MYO7A: variants seen among roughly 807,000 people sequenced by gnomAD.
The protein encoded by MYO7A is myosin VIIA.
MYO7A carries 210 observed loss-of-function variants against 263.8 expected under a neutral mutation model. That is an observed-to-expected ratio of 0.80 (90% CI 0.71 to 0.89). MYO7A has a LOEUF of 0.89. Ranked by LOEUF, MYO7A falls within the 40% of genes least tolerant of loss-of-function variation. The pLI is 0.00. For missense variants in MYO7A, 2,820 were observed against 2,968.3 expected (o/e 0.95, Z 1.16); for synonymous variants, 1,239 against 1,197.3 (o/e 1.03, Z -0.72).
rs782410220 is a variant in MYO7A, at chr11:77,156,854, C to T, written c.593-8C>T. On this transcript the variant is annotated splice_polypyrimidine_tract_variant and splice_region_variant and intron_variant, in intron 6 of 48. Coordinates refer to ENST00000409709, the MANE Select transcript of MYO7A (RefSeq NM_000260.4). ...GGCTTTGCCAGTGACACCCTACTCA[C>T]TCCGCAGCATTTGGGAATGCCAAGA... The T allele has an allele frequency of 1.2e-6, 2 of 1,613,962 alleles. No individual in the cohort carries two copies. The highest frequency in any genetic ancestry group is 4.5e-5 in the East Asian group (2 of 44,886).
In MYO7A at chr11:77,130,587, A is replaced by G. The variant is rs370329263; in HGVS notation, c.-46-2A>G. 1.3e-5 allele frequency: 21 copies of G among 1,609,122 alleles called. No individual in the cohort carries two copies. The highest frequency in any genetic ancestry group is 1.8e-5 in the Non-Finnish European group (21 of 1,177,616). ...AGCATGACATGGTCTCTCTCCCTGC[A>G]GAACTGTGCCTGGCCCAGTGGGCAG... On this transcript the variant is annotated splice_acceptor_variant, in intron 1 of 48. Transcript: ENST00000409709. LOFTEE classifies it low-confidence loss of function (5UTR_SPLICE).
intron 3 of MYO7A, among the ~76,000 whole-genome samples, chr11:77,143,768 C>T (rs550156944): frequency 5.1e-4 from 78 of 152,262 alleles, no homozygotes; most frequent in African/African-American, 1.8e-3. Flanking sequence ...TCCCTCTTAG[C>T]CTCCTGGTCT....
At chr11:77,184,419 G>A (rs1030286644) in intron 26 of MYO7A, among the ~76,000 whole-genome samples, 169 bp from the exon 27 acceptor site, 3 of 152,218 alleles carry the variant, frequency 2.0e-5, no homozygotes, top group Admixed American at 6.5e-5. Context: ...TATTGGCCCA[G>A]CATCTGCTGT....
chr11:77,207,001 C>A, intron 41 of MYO7A: 1 of 296,156 alleles, frequency 3.4e-6, no homozygotes, highest in Non-Finnish European at 6.2e-6. Context: ...TCCAGTCATC[C>A]TGCTGTGCTC....
chr11:77,145,101 A>G (rs1951474464), intron 3 of MYO7A, among the ~76,000 whole-genome samples: 1 of 152,194 alleles, frequency 6.6e-6, no homozygotes, highest in African/African-American at 2.4e-5. Flanking sequence ...CGGTGCAGCT[A>G]CTGGGCAAGT....
At chr11:77,167,380 T>A (rs1221177822) in intron 15 of MYO7A, among the ~76,000 whole-genome samples, 2 of 152,084 alleles carry the variant, frequency 1.3e-5, no homozygotes, top group Admixed American at 6.5e-5. Context: ...GATCCTCAGA[T>A]AACCTTGCAA....
At chr11:77,180,281 C>T in intron 21 of MYO7A, 93 bp from the exon 22 acceptor site, 1 of 699,488 alleles carries the variant, frequency 1.4e-6, no homozygotes, top group Non-Finnish European at 2.2e-6. Context: ...TGCCCAGTTC[C>T]AGAACTCAGA....
At chr11:77,137,133 C>T (rs782545432) in intron 2 of MYO7A, among the ~76,000 whole-genome samples, 16 of 152,152 alleles carry the variant, frequency 1.1e-4, no homozygotes, top group African/African-American at 2.4e-4. Context: ...TGCCTGTTTT[C>T]GGCTTGACTG....
At position 77,213,909 on chromosome 11, in the gene MYO7A, G is replaced by T; in HGVS notation, c.6488G>T (p.Gly2163Val). Residue 2163 changes from glycine (G) to valine (V), a missense_variant, in exon 48 of 49, where the codon GGC (glycine) becomes GTC (valine). Transcript: ENST00000409709. ...ACCAAGATCTCCAACTGGAGCAGCG[G>T]CAACACCTACTTCCACATCACCATT... ...PFTKISNWSS[G>V]NTYFHITIGN... The T allele has an allele frequency of 6.2e-7, 1 of 1,614,042 alleles. No homozygotes were observed. Among genetic ancestry groups the T allele is most frequent in the Non-Finnish European group, 8.5e-7 (1 of 1,179,904 alleles).
rs150414892 is a variant in MYO7A at position 77,201,520 on chromosome 11, A to G, written c.4925A>G (p.Gln1642Arg). 1 of 1,613,950 alleles carries G rather than the reference A, an allele frequency of 6.2e-7. No homozygotes were observed. Among genetic ancestry groups the G allele is most frequent in the African/African-American group, 1.3e-5 (1 of 75,032 alleles). The change falls in exon 36 of 49, where the codon CAG (glutamine) becomes CGG (arginine). Residue 1642 changes from glutamine (Q) to arginine (R), a missense_variant. Physicochemically the swap from Gln to Arg is conservative, Grantham distance 43 (BLOSUM62 1). Transcript: ENST00000409709. The stretch of plus-strand genomic sequence containing the variant: ...ATCCTGGACCATGACACGGGCGAGC[A>G]GGTCATGAACTCGGGCTGGGCCAAC... ...LIILDHDTGE[Q>R]VMNSGWANGI...
intron 37 of MYO7A, among the ~76,000 whole-genome samples, chr11:77,202,746 G>A (rs560622386): frequency 7.8e-4 from 118 of 151,894 alleles, no homozygotes; most frequent in African/African-American, 2.7e-3. Flanking sequence ...TGGGGCGGGG[G>A]GTGGGGGGCA....
In MYO7A at chr11:77,173,952, C is replaced by T. The variant is rs560530538; in HGVS notation, c.1936-804C>T. 7.0e-4 allele frequency among the ~76,000 whole-genome samples: 106 copies of T among 152,094 alleles called. 1 individual carries two copies. The highest frequency in any genetic ancestry group is 2.5e-3 in the South Asian group (12 of 4,820). The stretch of plus-strand genomic sequence containing the variant: ...TCTGAAGTGGGACCCTTCCCTCGGC[C>T]CAGTCCTCAGCATCTGTGGACTGGG... On this transcript the variant is annotated intron_variant, in intron 16 of 48. Coordinates refer to ENST00000409709, the MANE Select transcript of MYO7A (RefSeq NM_000260.4).
In MYO7A at chr11:77,204,138, G is replaced by A. The variant is rs376674270; in HGVS notation, c.5389G>A (p.Asp1797Asn). 2.7e-5 allele frequency: 43 copies of A among 1,598,758 alleles called. No homozygotes were observed. The highest frequency in any genetic ancestry group is 4.0e-5 in the African/African-American group (3 of 74,482). ...GACACGCTCCGTCAACGAGCTCACC[G>A]ACCAGATCTTTGAGGGTCCCCTGAA... ...KRTRSVNELT[D>N]QIFEGPLKAE... The change falls in exon 39 of 49, where the codon GAC becomes AAC. Residue 1797 changes from aspartate to asparagine, a missense_variant. By Grantham distance (23) the Asp-to-Asn change is conservative. Transcript: ENST00000409709.
rs555579952 is a variant in MYO7A, at chr11:77,175,382, G to A, written c.2105G>A (p.Arg702His). Residue 702 changes from arginine (R) to histidine (H), a missense_variant, in exon 18 of 49, where the codon CGC (arginine) becomes CAC (histidine). Arg to His is a conservative substitution (Grantham distance 29). Coordinates refer to ENST00000409709, the MANE Select transcript of MYO7A (RefSeq NM_000260.4). ...VKPAYKQGDL[R>H]GTCQRMAEAV... ...CCATCCTCACTCCAGGGCGACCTCC[G>A]CGGGACTTGCCAGCGCATGGCTGAG... 69 of 1,613,186 alleles carry A rather than the reference G, an allele frequency of 4.3e-5. No individual in the cohort carries two copies. Among genetic ancestry groups the A allele is most frequent in the South Asian group, 8.8e-5 (8 of 91,070 alleles).
chr11:77,129,766 A>G (rs373207568), intron 1 of MYO7A, among the ~76,000 whole-genome samples: 7 of 152,240 alleles, frequency 4.6e-5, no homozygotes, highest in African/African-American at 1.7e-4. Flanking sequence ...GAACTGAGCC[A>G]TGAACCATAA....
intron 35 of MYO7A, among the ~76,000 whole-genome samples, chr11:77,201,235 G>T (rs1410837628): frequency 6.6e-6 from 1 of 152,210 alleles, no homozygotes; most frequent in Non-Finnish European, 1.5e-5. Context: ...GGAGTGTGGG[G>T]CTTCCTCCCA....
At chr11:77,175,532 G>A in intron 18 of MYO7A, 68 bp downstream of exon 18, 3 of 1,425,014 alleles carry the variant, frequency 2.1e-6, no homozygotes, top group Non-Finnish European at 3.0e-6. Context: ...GGGCTGGGGT[G>A]CTCGGGAGAG....
chr11:77,131,733 A>C (rs1272599030), intron 2 of MYO7A, among the ~76,000 whole-genome samples: 5 of 152,128 alleles, frequency 3.3e-5, no homozygotes, highest in African/African-American at 1.2e-4. Flanking sequence ...ACCCACCTCC[A>C]GCTGTGGGTG....
chr11:77,199,860 G>A (rs1459579068), intron 35 of MYO7A, 42 bp downstream of exon 35: 2 of 1,529,592 alleles, frequency 1.3e-6, no homozygotes, highest in Non-Finnish European at 1.8e-6. Context: ...CTGGGGGTCA[G>A]GGTGTTATGC....
Sources: gnomAD v4.1 joint callset for allele counts (sites outside exome capture counted in the v4.1 genomes callset) on GRCh38, gnomAD v4.1.1 for gene constraint, MANE v1.5 for transcripts, NCBI Gene and HGNC (gene_info 2026-07-23, HGNC 2026-07-21) for gene names.